The following ZNF423 variants were observed in gnomAD, a reference collection of about 807,000 sequenced individuals.
ZNF423 encodes Ebf-associated zinc finger protein.
ZNF423 carries 12 observed loss-of-function variants against 95.8 expected under a neutral mutation model. That is an observed-to-expected ratio of 0.13 (90% CI 0.08 to 0.20). The LOEUF (loss-of-function observed/expected upper bound fraction) is 0.20, where lower values mean the gene tolerates loss of function less well. Among genes scored for constraint, ZNF423 ranks in the 10% least tolerant of loss-of-function variants. ZNF423 has a pLI of 1.00. For synonymous variants in ZNF423, 749 were observed against 711.9 expected (o/e 1.05, Z -0.83); for missense variants, 1,316 against 1,737.1 (o/e 0.76, Z 4.31).
intron 2 of ZNF423, among the ~76,000 whole-genome samples, chr16:49,779,767 C>G (rs984602374): frequency 1.2e-4 from 18 of 152,278 alleles, no homozygotes; most frequent in African/African-American, 4.1e-4. Flanking sequence ...AGGAAACAGC[C>G]AACACCAAAG....
At chr16:49,854,326 C>G (rs2035333223) in intron 1 of ZNF423, 1 of 985,392 alleles carries the variant, frequency 1.0e-6, no homozygotes, top group South Asian at 4.7e-5. Flanking sequence ...TCTGCTGGGC[C>G]GGGGGCAGTC....
intron 7 of ZNF423, among the ~76,000 whole-genome samples, chr16:49,503,850 G>A (rs1161278825): frequency 6.6e-6 from 1 of 152,186 alleles, no homozygotes; most frequent in African/African-American, 2.4e-5. Context: ...GCAAAGCCAG[G>A]CCTCCACTGA....
intron 3 of ZNF423, among the ~76,000 whole-genome samples, chr16:49,729,220 A>C (rs1384093580): frequency 3.3e-5 from 5 of 152,250 alleles, no homozygotes; most frequent in Admixed American, 3.3e-4. Context: ...AATAAAGAGA[A>C]TAACTTTTCA....
rs1971451277 is a variant in ZNF423 at position 49,603,775 on chromosome 16, T to A, written c.3601+22395A>T. Among the ~76,000 whole-genome samples the A allele has an allele frequency of 6.6e-6, 1 of 152,202 alleles. No individual in the cohort carries two copies. The highest frequency in any genetic ancestry group is 2.1e-4 in the South Asian group (1 of 4,832). ...TCATTTGGCATCAGGTCCCACAAAT[T>A]ATTCAGCTGATCTTTCCTCCATGTC... On this transcript the variant is annotated intron_variant, in intron 5 of 7. Coordinates refer to ENST00000563137, the MANE Select transcript of ZNF423 (RefSeq NM_001379286.1). This position sits in a 1 kb window ranked among gnomAD's most constrained non-coding sequence, Gnocchi z 4.1.
intron 2 of ZNF423, among the ~76,000 whole-genome samples, chr16:49,783,512 C>G (rs1259225095): frequency 1.6e-5 from 1 of 61,018 alleles, no homozygotes; most frequent in South Asian, 4.6e-4. Context: ...CTGGGATGGG[C>G]GGGAAAGAGG....
chr16:49,579,432 C>T (rs972101506), intron 5 of ZNF423, among the ~76,000 whole-genome samples: 1 of 152,142 alleles, frequency 6.6e-6, no homozygotes, highest in African/African-American at 2.4e-5. Flanking sequence ...ACCTGTCAAG[C>T]GTCCACCCTG....
At chr16:49,793,099 C>T (rs994001990) in intron 1 of ZNF423, among the ~76,000 whole-genome samples, 1 of 152,080 alleles carries the variant, frequency 6.6e-6, no homozygotes, top group Non-Finnish European at 1.5e-5. Flanking sequence ...AGAGTCAACA[C>T]CCAACCCCCC....
intron 1 of ZNF423, chr16:49,854,941 G>A (rs921489961): frequency 1.0e-6 from 1 of 984,974 alleles, no homozygotes; most frequent in Admixed American, 6.2e-5. Flanking sequence ...CAGATCCAGG[G>A]TGCCGGTGCC....
At chr16:49,781,156 C>A (rs896996206) in intron 2 of ZNF423, among the ~76,000 whole-genome samples, 1 of 152,146 alleles carries the variant, frequency 6.6e-6, no homozygotes, top group African/African-American at 2.4e-5. Context: ...GTCTCTCCAG[C>A]CTTGATTTGG....
chr16:49,638,901 A>C lies in ZNF423; in HGVS notation c.302-27T>G. ...TGCAAGAGAAGGCAGAGAGGATATTAGAGGCAATTCCCAGGGCTGCCGAGA... is the reference window on the plus strand; with the variant it reads ...TGCAAGAGAAGGCAGAGAGGATATTCGAGGCAATTCCCAGGGCTGCCGAGA... On this transcript the variant is annotated intron_variant, in intron 3 of 7. Coordinates refer to ENST00000563137, the MANE Select transcript of ZNF423 (RefSeq NM_001379286.1). The surrounding 1 kb of genome is among the most constrained non-coding windows in gnomAD (Gnocchi z 5.6). 6.3e-7 allele frequency: 1 copy of C among 1,574,956 alleles called. No individual in the cohort carries two copies. Among genetic ancestry groups the C allele is most frequent in the Non-Finnish European group, 8.6e-7 (1 of 1,158,724 alleles).
At chr16:49,504,585 C>T (rs1967556973) in intron 7 of ZNF423, among the ~76,000 whole-genome samples, 1 of 152,086 alleles carries the variant, frequency 6.6e-6, no homozygotes, top group Admixed American at 6.5e-5. Flanking sequence ...CTGTCACCAC[C>T]ACCAACAACA....
intron 5 of ZNF423, among the ~76,000 whole-genome samples, chr16:49,526,063 G>A (rs1481967943): frequency 1.3e-5 from 2 of 152,096 alleles, no homozygotes; most frequent in Non-Finnish European, 2.9e-5. Flanking sequence ...GGAGAGGGGT[G>A]GGGGCAGGGC....
chr16:49,754,730 G>A (rs550852115), intron 2 of ZNF423, among the ~76,000 whole-genome samples: 48 of 152,210 alleles, frequency 3.2e-4, no homozygotes, highest in Non-Finnish European at 5.7e-4. Flanking sequence ...CTCAAAGTGC[G>A]GCCTCCTGCA....
chr16:49,605,768 T>TCA (rs1320937792), intron 5 of ZNF423, among the ~76,000 whole-genome samples: 1 of 152,206 alleles, frequency 6.6e-6, no homozygotes, highest in Non-Finnish European at 1.5e-5. Flanking sequence ...GCCCCCGTTG[T>TCA]CACTGGCAGG....
At chr16:49,846,855 G>A (rs943049069) in intron 1 of ZNF423, among the ~76,000 whole-genome samples, 1 of 152,174 alleles carries the variant, frequency 6.6e-6, no homozygotes, top group Non-Finnish European at 1.5e-5. Context: ...TGGCTCCAAG[G>A]TTCTGCAGCC....
intron 2 of ZNF423, among the ~76,000 whole-genome samples, chr16:49,754,280 T>C (rs1258483854): frequency 6.6e-6 from 1 of 152,200 alleles, no homozygotes; most frequent in Non-Finnish European, 1.5e-5. Context: ...CAATCTGGCG[T>C]AAGCTCCAAG....
chr16:49,633,237 G>A (rs1972563332), intron 4 of ZNF423, among the ~76,000 whole-genome samples: 1 of 152,204 alleles, frequency 6.6e-6, no homozygotes, highest in African/African-American at 2.4e-5. Context: ...TAAATAGAAA[G>A]TGCTTGGCAA....
intron 3 of ZNF423, among the ~76,000 whole-genome samples, chr16:49,695,119 T>C (rs1270123358): frequency 6.6e-6 from 1 of 152,118 alleles, no homozygotes; most frequent in African/African-American, 2.4e-5. Flanking sequence ...GGTTTTGGTT[T>C]TTGTTTTTGT....
At chr16:49,675,721 G>A (rs1348798169) in intron 3 of ZNF423, among the ~76,000 whole-genome samples, 1 of 152,112 alleles carries the variant, frequency 6.6e-6, no homozygotes, top group Non-Finnish European at 1.5e-5. Flanking sequence ...GCCTGGGATC[G>A]ATGCAGGCCA....
Sources: allele counts gnomAD v4.1 joint callset (sites outside exome capture counted in the v4.1 genomes callset), GRCh38; gene constraint gnomAD v4.1.1; non-coding constraint Gnocchi (gnomAD v3.1); transcripts MANE v1.5; gene names NCBI Gene and HGNC (gene_info 2026-07-23, HGNC 2026-07-21).